Variants in SNTB1 observed in about 807,000 individuals in gnomAD.
The protein encoded by SNTB1 is syntrophin beta 1, also known as beta-1-syntrophin.
SNTB1 carries 36 observed loss-of-function variants against 48.9 expected under a neutral mutation model. The observed-to-expected ratio is 0.74, with a 90% confidence interval of 0.56 to 0.97. The LOEUF (loss-of-function observed/expected upper bound fraction) is 0.97, where lower values mean the gene tolerates loss of function less well. Ranked by LOEUF, SNTB1 falls within the 50% of genes least tolerant of loss-of-function variation. The pLI is 0.00. For synonymous variants in SNTB1, 299 were observed against 294.6 expected (o/e 1.01, Z -0.15); for missense variants, 786 against 703.4 (o/e 1.12, Z -1.33).
At chr8:120,714,614 G>A (rs1178868418) in intron 1 of SNTB1, among the ~76,000 whole-genome samples, 1 of 151,980 alleles carries the variant, frequency 6.6e-6, no homozygotes, top group African/African-American at 2.4e-5. Context: ...TATAAATGCT[G>A]AGTCCCCAAG....
intron 1 of SNTB1, among the ~76,000 whole-genome samples, chr8:120,743,189 C>G (rs1232742674): frequency 6.6e-6 from 1 of 152,128 alleles, no homozygotes; most frequent in African/African-American, 2.4e-5. Flanking sequence ...AAGGAAACTT[C>G]TGATTAGTAG....
At chr8:120,613,766 T>C (rs1816664842) in intron 3 of SNTB1, among the ~76,000 whole-genome samples, 1 of 152,210 alleles carries the variant, frequency 6.6e-6, no homozygotes, top group South Asian at 2.1e-4. Context: ...AGTGGTGAGA[T>C]TGATTTAGGA....
chr8:120,680,551 AG>A (rs1421765356), intron 2 of SNTB1, among the ~76,000 whole-genome samples: 1 of 152,146 alleles, frequency 6.6e-6, no homozygotes, highest in Non-Finnish European at 1.5e-5. Context: ...TTCTCCACTA[AG>A]GAAATCCAAA....
chr8:120,579,059 C>A (rs1815998446), intron 3 of SNTB1, among the ~76,000 whole-genome samples: 1 of 152,030 alleles, frequency 6.6e-6, no homozygotes, highest in African/African-American at 2.4e-5. Flanking sequence ...TGCCTGTAAT[C>A]CTAGCTACTC....
At chr8:120,639,749 A>G (rs201608742) in intron 2 of SNTB1, among the ~76,000 whole-genome samples, 1 of 152,192 alleles carries the variant, frequency 6.6e-6, no homozygotes, top group Non-Finnish European at 1.5e-5. Context: ...TCTCTGTTTT[A>G]GTACCAGTAC....
intron 1 of SNTB1, among the ~76,000 whole-genome samples, chr8:120,743,812 A>G (rs1375647481): frequency 6.6e-6 from 1 of 152,228 alleles, no homozygotes. Flanking sequence ...GTCCAATACA[A>G]TAAAATGTCA....
chr8:120,768,969 C>A (rs1256192381), intron 1 of SNTB1: 1 of 152,224 alleles, frequency 6.6e-6, no homozygotes, highest in Non-Finnish European at 1.5e-5. Context: ...CAGACTGATG[C>A]ACACTACCAG....
chr8:120,620,506 C>T (rs1335492935), intron 3 of SNTB1, among the ~76,000 whole-genome samples: 1 of 152,030 alleles, frequency 6.6e-6, no homozygotes, highest in Non-Finnish European at 1.5e-5. Context: ...CCCTGCCTCC[C>T]ACATATTCAT....
intron 1 of SNTB1, among the ~76,000 whole-genome samples, chr8:120,787,383 A>G (rs1460161614): frequency 1.3e-5 from 2 of 152,180 alleles, no homozygotes; most frequent in Non-Finnish European, 2.9e-5. Context: ...CCCAAATGCA[A>G]TCTTTGAAAT....
chr8:120,808,776 GAGGT>G (rs746717864), intron 1 of SNTB1, among the ~76,000 whole-genome samples: 72 of 152,156 alleles, frequency 4.7e-4, no homozygotes, highest in Non-Finnish European at 1.0e-3. Flanking sequence ...TCCACTTGTA[GAGGT>G]AGTAACTCTC....
chr8:120,637,089 G>A, intron 2 of SNTB1: 1 of 378,900 alleles, frequency 2.6e-6, no homozygotes, highest in South Asian at 2.8e-5. Context: ...AGATGCAGGA[G>A]CATTGGCCAG....
At chr8:120,717,575 C>T (rs1008036642) in intron 1 of SNTB1, among the ~76,000 whole-genome samples, 2 of 152,310 alleles carry the variant, frequency 1.3e-5, no homozygotes, top group South Asian at 2.1e-4. Context: ...ACTGAGGTTG[C>T]CTTTCTTCAT....
Position 120,692,569 on chromosome 8 carries a change from T to C in SNTB1, c.788+1123A>G, listed in dbSNP as rs144647566. Among the ~76,000 whole-genome samples, 570 of 152,304 alleles carry C rather than the reference T, an allele frequency of 3.7e-3. 4 individuals carry two copies. Among genetic ancestry groups the C allele is most frequent in the African/African-American group, 0.013 (543 of 41,568 alleles). Reference sequence around the variant, plus strand: ...ATGAGGGACCCTGAATTTTACTTCCTCTTGGCTGCATTCCTTATAATTGCC... The same window carrying C: ...ATGAGGGACCCTGAATTTTACTTCCCCTTGGCTGCATTCCTTATAATTGCC... On this transcript the variant is annotated intron_variant, in intron 2 of 6. Coordinates refer to ENST00000517992, the MANE Select transcript of SNTB1 (RefSeq NM_021021.4).
At chr8:120,556,821 C>G (rs1288137867) in intron 4 of SNTB1, among the ~76,000 whole-genome samples, 2 of 152,176 alleles carry the variant, frequency 1.3e-5, no homozygotes, top group Non-Finnish European at 2.9e-5. Context: ...TTACCAACTC[C>G]CAGCCAATAA....
At chr8:120,565,128 T>C (rs1339752942) in intron 4 of SNTB1, among the ~76,000 whole-genome samples, 1 of 152,194 alleles carries the variant, frequency 6.6e-6, no homozygotes, top group Non-Finnish European at 1.5e-5. Context: ...TTAAAAGTTT[T>C]TTTTTAGCAG....
chr8:120,696,281 T>C (rs1456347029), intron 1 of SNTB1, among the ~76,000 whole-genome samples: 3 of 152,156 alleles, frequency 2.0e-5, no homozygotes, highest in Non-Finnish European at 4.4e-5. Flanking sequence ...GAAGGTGCCA[T>C]TTGAACTTGG....
At chr8:120,567,530 C>T (rs912737076) in intron 4 of SNTB1, among the ~76,000 whole-genome samples, 1 of 151,464 alleles carries the variant, frequency 6.6e-6, no homozygotes, top group Non-Finnish European at 1.5e-5. Flanking sequence ...AAGCAATTCT[C>T]CCACTTCAGC....
intron 3 of SNTB1, among the ~76,000 whole-genome samples, chr8:120,583,553 ACACACAC>A (rs1587007915): frequency 2.1e-5 from 3 of 141,222 alleles, no homozygotes; most frequent in East Asian, 2.1e-4. Flanking sequence ...ACACACACAC[ACACACAC>A]AAAACTGGAA....
intron 2 of SNTB1, among the ~76,000 whole-genome samples, chr8:120,638,955 G>A (rs982142856): frequency 6.6e-6 from 1 of 152,192 alleles, no homozygotes; most frequent in African/African-American, 2.4e-5. Flanking sequence ...AGATCCTTGA[G>A]GAATCGCCAC....
Sources: gnomAD v4.1 joint callset for allele counts (sites outside exome capture counted in the v4.1 genomes callset) on GRCh38, gnomAD v4.1.1 for gene constraint, MANE v1.5 for transcripts, NCBI Gene and HGNC (gene_info 2026-07-23, HGNC 2026-07-21) for gene names.